AP5M1: variants seen among roughly 807,000 people sequenced by gnomAD.
AP5M1 encodes the protein AP-5 complex subunit mu-1.
AP5M1 carries 44 observed loss-of-function variants against 52.3 expected under a neutral mutation model. The observed-to-expected ratio is 0.84, with a 90% CI of 0.66 to 1.08. The LOEUF (loss-of-function observed/expected upper bound fraction) is 1.08. AP5M1 is among the 50% of genes least tolerant of loss of function. The pLI is 0.00. For missense variants in AP5M1, 526 were observed against 568.4 expected (o/e 0.93, Z 0.76); for synonymous variants, 213 against 199.0 (o/e 1.07, Z -0.59).
Position 57,274,427 on chromosome 14 carries a change from C to A in AP5M1, c.258C>A (p.Leu86=), listed in dbSNP as rs1364219164. The A allele has an allele frequency of 1.2e-6, 2 of 1,614,006 alleles. No individual in the cohort carries two copies. The highest frequency in any genetic ancestry group is 1.6e-4 in the Middle Eastern group (1 of 6,084). The change falls in exon 2 of 8, where the codon CTC becomes CTA. Residue 86 remains leucine, a synonymous_variant. Transcript: ENST00000261558. ...TCAATAAAACATCCATTTATGGACT[C>A]CTGATAGGAGGTGAAGAACTCTGGC... ...SRINKTSIYG[L]LIGGEELWPV...
rs1884976257 is a variant in AP5M1 at position 57,274,622 on chromosome 14, G to A, written c.453G>A (p.Glu151=). 6.2e-7 allele frequency: 1 copy of A among 1,614,186 alleles called. No individual in the cohort carries two copies. Among genetic ancestry groups the A allele is most frequent in the African/African-American group, 1.3e-5 (1 of 75,040 alleles). The change falls in exon 2 of 8, where the codon GAG becomes GAA. Residue 151 remains glutamate (E), a synonymous_variant. Coordinates refer to ENST00000261558, the MANE Select transcript of AP5M1 (RefSeq NM_018229.4). ...ATTCAGGTCAAAAAAATGACTCTGA[G>A]CTGAATACAAAATTGAGCCAGTTGC... is the stretch of plus-strand genomic sequence containing the variant. ...FLYSGQKNDS[E]LNTKLSQLPD...
chr14:57,274,295 T>C lies in AP5M1; in HGVS notation c.126T>C (p.Tyr42=). The C allele has an allele frequency of 1.2e-6, 2 of 1,614,200 alleles. No individual in the cohort carries two copies. Among genetic ancestry groups the C allele is most frequent in the Non-Finnish European group, 1.7e-6 (2 of 1,180,028 alleles). Residue 42 remains tyrosine, a synonymous_variant, in exon 2 of 8, where the codon TAT becomes TAC. Coordinates refer to ENST00000261558, the MANE Select transcript of AP5M1 (RefSeq NM_018229.4). ...CCAGAGTCTTCAATGGAGCAAGTTATGTGCCTGTTCCTGAAGATGGTCCCT... is the reference window on the plus strand; with the variant it reads ...CCAGAGTCTTCAATGGAGCAAGTTACGTGCCTGTTCCTGAAGATGGTCCCT... The part of the protein sequence containing the change: ...KRARVFNGAS[Y]VPVPEDGPFL...
intron 6 of AP5M1, among the ~76,000 whole-genome samples, chr14:57,285,936 A>T (rs1001566977): frequency 6.6e-6 from 1 of 152,118 alleles, no homozygotes; most frequent in African/African-American, 2.4e-5. Flanking sequence ...CACTCAGCAT[A>T]CCTTGCAGTA....
In AP5M1 at chr14:57,280,213, AT is replaced by A; in HGVS notation, c.740del (p.Met247SerfsTer8). On this transcript the variant is annotated frameshift_variant, in exon 3 of 8. Transcript: ENST00000261558. LOFTEE classifies it high-confidence loss of function. ...ATTTCAGTGTGATTTGGAAGGAATC[AT>A]GCCAAATGTTACCATCAGCTTGAGT... ...VTCKCDLEGI[M>X]PNVTISLSLP... The A allele has an allele frequency of 6.2e-7, 1 of 1,612,960 alleles. No homozygotes were observed. Among genetic ancestry groups the A allele is most frequent in the Non-Finnish European group, 8.5e-7 (1 of 1,178,920 alleles).
rs977901416 is a variant in AP5M1, at chr14:57,292,350, C to T, written c.*3466C>T. On this transcript the variant is annotated 3_prime_UTR_variant, in exon 8 of 8. Coordinates refer to ENST00000261558, the MANE Select transcript of AP5M1 (RefSeq NM_018229.4). ...TATTTCACTTAACTACCAGTTACCT[C>T]GTTCTGACAAAGTGCAACTGAGATT... 17 of 151,756 alleles carry T rather than the reference C, an allele frequency of 1.1e-4. No homozygotes were observed. The highest frequency in any genetic ancestry group is 3.6e-4 in the African/African-American group (15 of 41,382). 9.4% of individuals were successfully genotyped at this position (151,756 alleles called of 1,614,324 possible).
At position 57,269,033 on chromosome 14, in the gene AP5M1, A is replaced by C. The variant is rs947510856; in HGVS notation, c.-282A>C. ...TGCGGGCCACCATTCCGGAAGTAGA[A>C]TTTAGAGGAAGAAAATACCGGAGTT... On this transcript the variant is annotated 5_prime_UTR_variant, in exon 1 of 8. Transcript: ENST00000261558. 3.6e-5 allele frequency: 20 copies of C among 552,982 alleles called. No individual in the cohort carries two copies. Among genetic ancestry groups the C allele is most frequent in the Non-Finnish European group, 6.0e-5 (19 of 317,202 alleles). 34.3% of individuals were successfully genotyped at this position (552,982 alleles called of 1,614,324 possible).
Position 57,294,208 on chromosome 14 carries a change from G to A in AP5M1, c.*5324G>A, listed in dbSNP as rs568301709. ...GTATGATGCACAAGCATTTACAGAT[G>A]GACAAATGCTCCACACTAAAAACCA... is the stretch of plus-strand genomic sequence containing the variant. On this transcript the variant is annotated 3_prime_UTR_variant, in exon 8 of 8. Transcript: ENST00000261558. 6.6e-6 allele frequency: 1 copy of A among 151,698 alleles called. No individual in the cohort carries two copies. The highest frequency in any genetic ancestry group is 2.1e-4 in the South Asian group (1 of 4,818). The allele number at this position is 151,698 out of a possible 1,614,324, so 9.4% of individuals were successfully genotyped here.
rs1885558880 is a variant in AP5M1 at position 57,296,644 on chromosome 14, C to T, written c.*7760C>T. 6.6e-6 allele frequency: 1 copy of T among 152,038 alleles called. No homozygotes were observed. Among genetic ancestry groups the T allele is most frequent in the African/African-American group, 2.4e-5 (1 of 41,510 alleles). 9.4% of individuals were successfully genotyped at this position (152,038 alleles called of 1,614,324 possible). Reference sequence around the variant, plus strand: ...TAATATGAATAACAGTGGTCTCGTGCCATAAGTATTTCTCTCATACATATT... The same window carrying T: ...TAATATGAATAACAGTGGTCTCGTGTCATAAGTATTTCTCTCATACATATT... On this transcript the variant is annotated 3_prime_UTR_variant, in exon 8 of 8. Transcript: ENST00000261558.
intron 1 of AP5M1, among the ~76,000 whole-genome samples, chr14:57,272,175 A>G (rs761551364): frequency 9.9e-5 from 15 of 152,212 alleles, no homozygotes; most frequent in Non-Finnish European, 1.5e-4. Flanking sequence ...GGGCTTTTCA[A>G]TACATTTATG....
Position 57,282,652 on chromosome 14 carries a change from A to G in AP5M1, c.1089-282A>G, listed in dbSNP as rs1215213831. On this transcript the variant is annotated intron_variant, in intron 4 of 7. Transcript: ENST00000261558. ...ATATATCTACATATATAGTAAAATCATAGTCATTGTAGCAACCCATGTGAC... is the reference window on the plus strand; with the variant it reads ...ATATATCTACATATATAGTAAAATCGTAGTCATTGTAGCAACCCATGTGAC... 2.6e-5 allele frequency among the ~76,000 whole-genome samples: 4 copies of G among 152,202 alleles called. No individual in the cohort carries two copies. In the East Asian group the frequency reaches 7.7e-4, roughly 29 times the overall value.
chr14:57,282,877 T>A, intron 4 of AP5M1, 57 bp from the exon 5 acceptor site: 2 of 1,211,360 alleles, frequency 1.7e-6, no homozygotes, highest in Non-Finnish European at 2.3e-6. Flanking sequence ...TTGACTTAGA[T>A]CTCTTAAAAC....
At position 57,291,939 on chromosome 14, in the gene AP5M1, A is replaced by C. The variant is rs1305549229; in HGVS notation, c.*3055A>C. ...TTGTTCCTAAGACAAAGGTCAAAAA[A>C]AGGGGTGTTAATAAACAGTCCTCAG... On this transcript the variant is annotated 3_prime_UTR_variant, in exon 8 of 8. Transcript: ENST00000261558. 6.6e-6 allele frequency: 1 copy of C among 151,878 alleles called. No homozygotes were observed. Among genetic ancestry groups the C allele is most frequent in the African/African-American group, 2.4e-5 (1 of 41,400 alleles). The allele number at this position is 151,878 out of a possible 1,614,324, so 9.4% of individuals were successfully genotyped here.
In AP5M1 at chr14:57,283,205, G is replaced by A. The variant is rs776595234; in HGVS notation, c.1268G>A (p.Cys423Tyr). ...GAGAAGCAGCCATTTGACCCAATTT[G>A]TACTGGAGAAACAGCATATTTAAAG... ...SHEKQPFDPICTGETAYLKLH... is the reference protein window; with the variant it reads ...SHEKQPFDPIYTGETAYLKLH... The change falls in exon 6 of 8, where the codon TGT becomes TAT. Residue 423 changes from cysteine to tyrosine, a missense_variant. Physicochemically the swap from Cys to Tyr is radical, Grantham distance 194. Transcript: ENST00000261558. 3.7e-6 allele frequency: 6 copies of A among 1,612,036 alleles called. No individual in the cohort carries two copies. Among genetic ancestry groups the A allele is most frequent in the African/African-American group, 1.3e-5 (1 of 74,838 alleles).
At position 57,293,957 on chromosome 14, in the gene AP5M1, C is replaced by G. The variant is rs1251406598; in HGVS notation, c.*5073C>G. 6.6e-6 allele frequency: 1 copy of G among 151,568 alleles called. No homozygotes were observed. Among genetic ancestry groups the G allele is most frequent in the African/African-American group, 2.4e-5 (1 of 41,364 alleles). The allele number at this position is 151,568 out of a possible 1,614,324, so 9.4% of individuals were successfully genotyped here. On this transcript the variant is annotated 3_prime_UTR_variant, in exon 8 of 8. Transcript: ENST00000261558. ...CTCATGAGTTCCTTTGTGATTGAAA[C>G]AAAGTGATTAAAACTCTTATGACCT... is the stretch of plus-strand genomic sequence containing the variant.
intron 6 of AP5M1, among the ~76,000 whole-genome samples, chr14:57,283,948 C>G (rs1332393071): frequency 6.6e-6 from 1 of 152,204 alleles, no homozygotes; most frequent in East Asian, 1.9e-4. Flanking sequence ...GATTGTGCCA[C>G]TGCATTCCAG....
rs749865024 is a variant in AP5M1 at position 57,274,659 on chromosome 14, C to T, written c.490C>T (p.Leu164=). 1.2e-6 allele frequency: 2 copies of T among 1,614,220 alleles called. No homozygotes were observed. Among genetic ancestry groups the T allele is most frequent in the South Asian group, 1.1e-5 (1 of 91,088 alleles). The change falls in exon 2 of 8, where the codon CTG becomes TTG. Residue 164 remains leucine (L), a synonymous_variant. Coordinates refer to ENST00000261558, the MANE Select transcript of AP5M1 (RefSeq NM_018229.4). The part of the protein sequence containing the change: ...TKLSQLPDLL[L]QACPFGTLLD... Reference sequence around the variant, plus strand: ...ATTGAGCCAGTTGCCTGACTTGCTTCTGCAGGCTTGTCCATTTGGTACTTT... The same window carrying T: ...ATTGAGCCAGTTGCCTGACTTGCTTTTGCAGGCTTGTCCATTTGGTACTTT...
At chr14:57,284,279 C>G (rs891235861) in intron 6 of AP5M1, among the ~76,000 whole-genome samples, 1 of 152,066 alleles carries the variant, frequency 6.6e-6, no homozygotes, top group African/African-American at 2.4e-5. Context: ...TGCTTAGAAA[C>G]CAGTGCTAAA....
intron 4 of AP5M1, 108 bp from the exon 5 acceptor site, chr14:57,282,826 T>C (rs1885215389): frequency 1.6e-6 from 1 of 620,878 alleles, no homozygotes; most frequent in Admixed American, 3.1e-5. Flanking sequence ...AATACAGATC[T>C]GCTTTTATGC....
intron 6 of AP5M1, among the ~76,000 whole-genome samples, chr14:57,283,650 A>G (rs957262203): frequency 2.0e-5 from 3 of 152,148 alleles, no homozygotes; most frequent in African/African-American, 7.2e-5. Context: ...AGCTAACCTA[A>G]TACCCAACTT....
Sources: gnomAD v4.1 joint callset for allele counts (sites outside exome capture counted in the v4.1 genomes callset) on GRCh38, gnomAD v4.1.1 for gene constraint, MANE v1.5 for transcripts, NCBI Gene and HGNC (gene_info 2026-07-23, HGNC 2026-07-21) for gene names.